The following NGLY1 variants were observed in gnomAD, a reference collection of about 807,000 sequenced individuals.
NGLY1 encodes the protein N-glycanase 1.
A neutral mutation model predicts 84.6 loss-of-function variants in NGLY1; 68 were observed. The ratio of observed to expected loss-of-function variants is 0.80; its 90% confidence interval spans 0.66 to 0.98. NGLY1 has a LOEUF of 0.98. Ranked by LOEUF, NGLY1 falls within the 50% of genes least tolerant of loss-of-function variation. NGLY1 has a pLI of 0.00. For missense variants in NGLY1, 779 were observed against 770.2 expected, an observed-to-expected ratio of 1.01 and a Z score of -0.14; for synonymous variants, 280 against 275.2, an observed-to-expected ratio of 1.02 and a Z score of -0.17.
chr3:25,719,135 A>G lies in NGLY1; in HGVS notation c.*325T>C, dbSNP rs193176664. 258 of 173,404 alleles carry G rather than the reference A, an allele frequency of 1.5e-3. 1 individual carries two copies. Among genetic ancestry groups the G allele is most frequent in the African/African-American group, 5.9e-3 (251 of 42,480 alleles). 10.7% of individuals were successfully genotyped at this position (173,404 alleles called of 1,614,324 possible). On this transcript the variant is annotated 3_prime_UTR_variant, in exon 12 of 12. Coordinates refer to ENST00000280700, the MANE Select transcript of NGLY1 (RefSeq NM_018297.4). Reference sequence around the variant, plus strand: ...GTCAAATTACTATCATAAGCCCAAGATTTTATCATAATCATGAATAGCATT... The same window carrying G: ...GTCAAATTACTATCATAAGCCCAAGGTTTTATCATAATCATGAATAGCATT...
At chr3:25,770,058 T>TA (rs1306837804) in intron 2 of NGLY1, among the ~76,000 whole-genome samples, 1 of 152,202 alleles carries the variant, frequency 6.6e-6, no homozygotes, top group East Asian at 1.9e-4. Flanking sequence ...ATTCCTGAGT[T>TA]ACCTCACTTA....
upstream of NGLY1, among the ~76,000 whole-genome samples, chr3:25,785,916 TTG>T (rs551480840): frequency 3.9e-5 from 6 of 152,214 alleles, no homozygotes; most frequent in Non-Finnish European, 8.8e-5. Context: ...ATCATTAGTT[TTG>T]TCTTCCCTAT....
chr3:25,750,288 G>A (rs749580797), intron 4 of NGLY1, among the ~76,000 whole-genome samples: 3 of 152,190 alleles, frequency 2.0e-5, no homozygotes, highest in Middle Eastern at 3.4e-3. Flanking sequence ...CTTGACACAC[G>A]GGGATTATAA....
chr3:25,786,876 A>C (rs1708618031), upstream of NGLY1, among the ~76,000 whole-genome samples: 1 of 152,226 alleles, frequency 6.6e-6, no homozygotes, highest in Non-Finnish European at 1.5e-5. Context: ...TGTAAGGATA[A>C]ATGTTGATTT....
chr3:25,778,824 G>GT (rs1474199802), intron 1 of NGLY1, 136 bp from the exon 2 acceptor site: 1 of 327,574 alleles, frequency 3.1e-6, no homozygotes, highest in African/African-American at 2.3e-5. Context: ...ACCAATGGTT[G>GT]TTTTTACTAT....
At chr3:25,771,883 A>G (rs1707913276) in intron 2 of NGLY1, among the ~76,000 whole-genome samples, 1 of 152,214 alleles carries the variant, frequency 6.6e-6, no homozygotes, top group Admixed American at 6.5e-5. Context: ...TTAATTTTGT[A>G]TCCTGAAACT....
chr3:25,764,371 G>GCA lies in NGLY1; in HGVS notation c.247-62_247-61dup, dbSNP rs1311180288. On this transcript the variant is annotated intron_variant, in intron 2 of 11. Coordinates refer to ENST00000280700, the MANE Select transcript of NGLY1 (RefSeq NM_018297.4). Reference sequence around the variant, plus strand: ...TTGCTTTATGCAGTCATTCTTTTGTGCACACACACACAGAAATGTATAATG... The same window carrying GCA: ...TTGCTTTATGCAGTCATTCTTTTGTGCACACACACACACAGAAATGTATAATG... 55 of 1,513,588 alleles carry GCA rather than the reference G, an allele frequency of 3.6e-5. 2 individuals are homozygous for GCA. In the South Asian group the frequency reaches 4.7e-4, roughly 13 times the overall value. The allele number at this position is 1,513,588 out of a possible 1,614,324, so 93.8% of individuals were successfully genotyped here.
Position 25,739,767 on chromosome 3 carries a change from G to C in NGLY1, c.691C>G (p.Leu231Val). Residue 231 changes from leucine (L) to valine (V), a missense_variant, in exon 5 of 12, where the codon CTG (leucine) becomes GTG (valine). By Grantham distance (32) the Leu-to-Val change is conservative. Coordinates refer to ENST00000280700, the MANE Select transcript of NGLY1 (RefSeq NM_018297.4). ...TCCTTAAACCAGTGCAAAAGCTCCA[G>C]CAAAAGAAAATCCTCATCACTTATA... The part of the protein sequence containing the change: ...INISDEDFLL[L>V]ELLHWFKEEF... 1 of 1,613,884 alleles carries C rather than the reference G, an allele frequency of 6.2e-7. No individual in the cohort carries two copies.
At chr3:25,770,170 G>C (rs572756331) in intron 2 of NGLY1, among the ~76,000 whole-genome samples, 12 of 151,944 alleles carry the variant, frequency 7.9e-5, no homozygotes, top group African/African-American at 2.9e-4. Context: ...TTTTGTTTGA[G>C]ACAGAGTTTT....
chr3:25,785,628 G>C (rs1708586583), upstream of NGLY1, among the ~76,000 whole-genome samples: 2 of 149,860 alleles, frequency 1.3e-5, no homozygotes, highest in Non-Finnish European at 3.0e-5. Flanking sequence ...GAGCCCAGGA[G>C]TTCAAGACCA....
At chr3:25,733,813 T>C in intron 8 of NGLY1, 59 bp downstream of exon 8, 1 of 1,099,800 alleles carries the variant, frequency 9.1e-7, no homozygotes, top group Non-Finnish European at 1.3e-6. Flanking sequence ...AATAAACGGC[T>C]ATTCTCGATT....
intron 6 of NGLY1, chr3:25,736,448 G>C (rs1159553976): frequency 6.9e-7 from 1 of 1,447,784 alleles, no homozygotes; most frequent in South Asian, 1.3e-5. Flanking sequence ...ATATCATCCT[G>C]AGTTTACTAT....
At chr3:25,763,928 T>C (rs1707431472) in intron 3 of NGLY1, 138 bp downstream of exon 3, 3 of 1,108,264 alleles carry the variant, frequency 2.7e-6, no homozygotes, top group Non-Finnish European at 1.3e-6. Flanking sequence ...CTGAAGAAAT[T>C]TGGATGTTTT....
At chr3:25,753,467 A>T (rs1005136450) in intron 3 of NGLY1, among the ~76,000 whole-genome samples, 1 of 152,158 alleles carries the variant, frequency 6.6e-6, no homozygotes, top group Non-Finnish European at 1.5e-5. Flanking sequence ...CATACTTGGG[A>T]GTAGGATCTA....
At chr3:25,743,290 G>T (rs1706247017) in intron 4 of NGLY1, among the ~76,000 whole-genome samples, 1 of 152,072 alleles carries the variant, frequency 6.6e-6, no homozygotes, top group Non-Finnish European at 1.5e-5. Flanking sequence ...ATTTGTTATA[G>T]TAGCCCCAGG....
At chr3:25,721,411 A>G (rs1704981805) in intron 10 of NGLY1, among the ~76,000 whole-genome samples, 1 of 152,160 alleles carries the variant, frequency 6.6e-6, no homozygotes, top group African/African-American at 2.4e-5. Context: ...TGAAATGTAC[A>G]GCAAGTACTT....
intron 2 of NGLY1, among the ~76,000 whole-genome samples, chr3:25,769,831 G>A (rs6781961): frequency 0.04 from 6,110 of 151,644 alleles, 379 homozygotes; most frequent in African/African-American, 0.14. Context: ...TTTGGGGAAG[G>A]GGTTGATGTC....
In NGLY1 at chr3:25,737,352, A is replaced by T; in HGVS notation, c.985T>A (p.Tyr329Asn). 1 of 1,613,186 alleles carries T rather than the reference A, an allele frequency of 6.2e-7. No homozygotes were observed. Among genetic ancestry groups the T allele is most frequent in the Non-Finnish European group, 8.5e-7 (1 of 1,179,722 alleles). The change falls in exon 6 of 12, where the codon TAT becomes AAT. Residue 329 changes from tyrosine (Y) to asparagine (N), a missense_variant. Transcript: ENST00000280700. ...CCRAVGFEAR[Y>N]VWDYTDHVWT... The stretch of plus-strand genomic sequence containing the variant: ...TCTGTACCTGTGTAATCCCAAACAT[A>T]GCGAGCTTCAAACCCTACAGCTCGG...
Position 25,783,351 on chromosome 3 carries a change from A to T in NGLY1, c.40T>A (p.Ser14Thr). 1 of 1,571,778 alleles carries T rather than the reference A, an allele frequency of 6.4e-7. No individual in the cohort carries two copies. The highest frequency in any genetic ancestry group is 8.6e-7 in the Non-Finnish European group (1 of 1,160,702). The change falls in exon 1 of 12, where the codon TCC becomes ACC. Residue 14 changes from serine (S) to threonine (T), a missense_variant. Ser to Thr is a moderately conservative substitution (Grantham distance 58). Transcript: ENST00000280700. The surrounding 1 kb of genome is among the most constrained non-coding windows in gnomAD (Gnocchi z 4.5). ...AALGSSSGSA[S>T]PAVAELCQNT... ...TGGCAGAGCTCAGCCACGGCCGGGG[A>T]CGCCGAGCCTGAGGAGCTGCCCAAT...
Sources: gnomAD v4.1 joint callset for allele counts (sites outside exome capture counted in the v4.1 genomes callset) on GRCh38, gnomAD v4.1.1 for gene constraint, Gnocchi (gnomAD v3.1) non-coding constraint, MANE v1.5 for transcripts, NCBI Gene and HGNC (gene_info 2026-07-23, HGNC 2026-07-21) for gene names.